HTR1F: variants seen among roughly 807,000 people sequenced by gnomAD.
HTR1F encodes 5-hydroxytryptamine (serotonin) receptor 1F, G protein-coupled.
Under a neutral mutation model 24.0 loss-of-function variants are expected in HTR1F, and 17 were observed. The ratio of observed to expected loss-of-function variants is 0.71; its 90% CI spans 0.48 to 1.06. The LOEUF is 1.06. Among genes scored for constraint, HTR1F ranks in the 50% least tolerant of loss-of-function variants. The pLI is 0.00. For synonymous variants in HTR1F, 186 were observed against 156.8 expected (o/e 1.19, Z -1.39); for missense variants, 391 against 427.8 (o/e 0.91, Z 0.76).
chr3:87,923,031 C>T (rs1487685526), intron 2 of HTR1F, among the ~76,000 whole-genome samples: 2 of 151,892 alleles, frequency 1.3e-5, no homozygotes, highest in African/African-American at 4.8e-5. Context: ...ACTGTCCCAT[C>T]CCCAGTGCAT....
chr3:87,869,099 C>A (rs1705488826), intron 2 of HTR1F, among the ~76,000 whole-genome samples: 1 of 151,814 alleles, frequency 6.6e-6, no homozygotes, highest in Admixed American at 6.6e-5. Flanking sequence ...AATCCTTGAA[C>A]TTTATTGTTA....
At chr3:87,953,657 T>C (rs1704882704) in intron 2 of HTR1F, among the ~76,000 whole-genome samples, 1 of 151,712 alleles carries the variant, frequency 6.6e-6, no homozygotes, top group South Asian at 2.1e-4. Flanking sequence ...ATGGAACTAC[T>C]ATATAAGCTA....
chr3:87,941,198 G>A (rs1027476203), intron 2 of HTR1F, among the ~76,000 whole-genome samples: 4 of 152,158 alleles, frequency 2.6e-5, no homozygotes, highest in African/African-American at 9.7e-5. Flanking sequence ...TTACTAAATG[G>A]GTATTGGCTT....
At chr3:87,795,074 G>A (rs1703882173) in intron 1 of HTR1F, among the ~76,000 whole-genome samples, 1 of 135,698 alleles carries the variant, frequency 7.4e-6, no homozygotes, top group African/African-American at 2.8e-5. Context: ...TGCAACCTCT[G>A]ACTCCCTGGT....
At chr3:87,821,443 C>T (rs1704358078) in intron 1 of HTR1F, among the ~76,000 whole-genome samples, 1 of 152,020 alleles carries the variant, frequency 6.6e-6, no homozygotes, top group South Asian at 2.1e-4. Context: ...ACTTTTAATC[C>T]CACAAAACAT....
intron 2 of HTR1F, among the ~76,000 whole-genome samples, chr3:87,981,449 C>A (rs1198588827): frequency 6.6e-6 from 1 of 152,224 alleles, no homozygotes; most frequent in African/African-American, 2.4e-5. Flanking sequence ...CCCACCTCAG[C>A]CTCCCAAAGT....
intron 2 of HTR1F, among the ~76,000 whole-genome samples, chr3:87,867,933 G>A (rs1209741260): frequency 3.3e-5 from 5 of 152,076 alleles, no homozygotes; most frequent in Non-Finnish European, 7.4e-5. Context: ...TGATTCTGCT[G>A]TGCAAATGGA....
chr3:87,991,531 T>G lies in HTR1F; in HGVS notation c.782T>G (p.Ile261Ser), dbSNP rs1281554227. 6.2e-7 allele frequency: 1 copy of G among 1,614,060 alleles called. No homozygotes were observed. The highest frequency in any genetic ancestry group is 1.1e-5 in the South Asian group (1 of 91,082). ...LSDPSTDFDK[I>S]HSTVRSLRSE... ...GACCCATCAACAGACTTTGATAAAATTCATAGCACAGTGAGAAGTCTCAGG... is the reference window on the plus strand; with the variant it reads ...GACCCATCAACAGACTTTGATAAAAGTCATAGCACAGTGAGAAGTCTCAGG... The change falls in exon 3 of 3, where the codon ATT (isoleucine) becomes AGT (serine). Residue 261 changes from isoleucine (I) to serine (S), a missense_variant. Coordinates refer to ENST00000319595, the MANE Select transcript of HTR1F (RefSeq NM_001322209.2).
chr3:87,900,681 G>C (rs1411429277), intron 2 of HTR1F, among the ~76,000 whole-genome samples: 1 of 152,106 alleles, frequency 6.6e-6, no homozygotes, highest in African/African-American at 2.4e-5. Flanking sequence ...TTTAAAGTTA[G>C]AGCCAATAAA....
At chr3:87,850,983 T>C (rs1244659516) in intron 2 of HTR1F, among the ~76,000 whole-genome samples, 1 of 151,682 alleles carries the variant, frequency 6.6e-6, no homozygotes, top group African/African-American at 2.4e-5. Flanking sequence ...CTAAAAATTG[T>C]TATTATTTGG....
intron 2 of HTR1F, among the ~76,000 whole-genome samples, chr3:87,933,186 T>C (rs1559638152): frequency 1.3e-5 from 2 of 152,118 alleles, no homozygotes; most frequent in South Asian, 4.2e-4. Flanking sequence ...ATAAATTAGG[T>C]ATTGATTGGA....
At chr3:87,864,872 G>A (rs1705390500) in intron 2 of HTR1F, among the ~76,000 whole-genome samples, 1 of 148,652 alleles carries the variant, frequency 6.7e-6, no homozygotes, top group Admixed American at 6.7e-5. Flanking sequence ...TTCCAGCCTG[G>A]GTGAGCAAGA....
At chr3:87,876,885 A>G (rs1705682963) in intron 2 of HTR1F, among the ~76,000 whole-genome samples, 1 of 152,180 alleles carries the variant, frequency 6.6e-6, no homozygotes, top group Non-Finnish European at 1.5e-5. Flanking sequence ...AAGTTCATAT[A>G]TATAAAACTA....
intron 2 of HTR1F, among the ~76,000 whole-genome samples, chr3:87,881,195 C>T (rs1705788572): frequency 6.6e-6 from 1 of 152,220 alleles, no homozygotes; most frequent in African/African-American, 2.4e-5. Context: ...CCGTGACAGA[C>T]TGTACCTGGA....
chr3:87,895,436 G>A (rs1706177532), intron 2 of HTR1F, among the ~76,000 whole-genome samples: 4 of 151,952 alleles, frequency 2.6e-5, no homozygotes, highest in South Asian at 2.1e-4. Context: ...TATTATTTGT[G>A]TATACACAAA....
chr3:87,899,237 C>T (rs1033899566), intron 2 of HTR1F, among the ~76,000 whole-genome samples: 20 of 152,122 alleles, frequency 1.3e-4, no homozygotes, highest in Admixed American at 7.9e-4. Flanking sequence ...GACACAAAGG[C>T]GACAATCCTC....
At chr3:87,877,788 C>T (rs1553670072) in intron 2 of HTR1F, among the ~76,000 whole-genome samples, 3 of 152,112 alleles carry the variant, frequency 2.0e-5, no homozygotes, top group Non-Finnish European at 2.9e-5. Flanking sequence ...CAGGCTTGCA[C>T]AGAAGAAGAA....
intron 2 of HTR1F, among the ~76,000 whole-genome samples, chr3:87,897,965 G>A (rs780750456): frequency 1.3e-5 from 2 of 151,908 alleles, no homozygotes; most frequent in Non-Finnish European, 2.9e-5. Flanking sequence ...TGTAAGCCTG[G>A]CACAGATTCA....
At chr3:87,938,025 T>G (rs1469629834) in intron 2 of HTR1F, among the ~76,000 whole-genome samples, 1 of 152,034 alleles carries the variant, frequency 6.6e-6, no homozygotes, top group East Asian at 1.9e-4. Flanking sequence ...GACATGATTC[T>G]ATATGTAGAC....
Sources: allele counts gnomAD v4.1 joint callset (sites outside exome capture counted in the v4.1 genomes callset), GRCh38; gene constraint gnomAD v4.1.1; transcripts MANE v1.5; gene names NCBI Gene and HGNC (gene_info 2026-07-23, HGNC 2026-07-21).